FAT3: variants seen among roughly 807,000 people sequenced by gnomAD.
The protein encoded by FAT3 is FAT atypical cadherin 3.
FAT3 carries 95 observed loss-of-function variants against 310.2 expected under a neutral mutation model. The observed-to-expected ratio is 0.31, with a 90% CI of 0.26 to 0.36. FAT3 has a LOEUF of 0.36. Ranked by LOEUF, FAT3 falls within the 10% of genes least tolerant of loss-of-function variation. The probability of loss-of-function intolerance (pLI) is 1.00; values close to 1 mark genes in which losing one functional copy is unlikely to be tolerated. For synonymous variants in FAT3, 2,314 were observed against 2,192.9 expected (o/e 1.06, Z -1.54); for missense variants, 5,408 against 5,715.6 (o/e 0.95, Z 1.74).
At position 92,831,723 on chromosome 11, in the gene FAT3, C is replaced by A. The variant is rs371129841; in HGVS notation, c.9583C>A (p.Arg3195Ser). 8.7e-6 allele frequency: 14 copies of A among 1,613,392 alleles called. No homozygotes were observed. The highest frequency in any genetic ancestry group is 1.3e-5 in the African/African-American group (1 of 74,880). ...CATCATCCTGGAGCAGCCACTGGAC[C>A]GTGAGCAGCAGTCTTCGTACAACAT... ...GIIILEQPLD[R>S]EQQSSYNISV... The change falls in exon 14 of 28, where the codon CGT becomes AGT. Residue 3195 changes from arginine (R) to serine (S), a missense_variant. This residue lies in a region of FAT3 where 4,588 missense variants were observed against 4,809.8 expected (regional missense o/e 0.95). Coordinates refer to ENST00000525166, the MANE Select transcript of FAT3 (RefSeq NM_001367949.2).
chr11:92,428,028 A>G (rs1168325163), intron 2 of FAT3, among the ~76,000 whole-genome samples: 1 of 151,958 alleles, frequency 6.6e-6, no homozygotes, highest in Non-Finnish European at 1.5e-5. Context: ...CTGGTAGGCT[A>G]TTAGTTACTG....
intron 3 of FAT3, among the ~76,000 whole-genome samples, chr11:92,625,844 G>A (rs554594135): frequency 6.6e-6 from 1 of 151,952 alleles, no homozygotes; most frequent in Non-Finnish European, 1.5e-5. Flanking sequence ...TGAAACACTG[G>A]GTCCTATTGA....
At chr11:92,850,706 G>C (rs765032865) in intron 19 of FAT3, among the ~76,000 whole-genome samples, 11 of 152,176 alleles carry the variant, frequency 7.2e-5, no homozygotes, top group Middle Eastern at 3.2e-3. Flanking sequence ...AAATCAAGAG[G>C]TTGAATCAGC....
intron 3 of FAT3, among the ~76,000 whole-genome samples, chr11:92,607,408 T>C (rs1370457370): frequency 6.6e-6 from 1 of 152,172 alleles, no homozygotes; most frequent in Non-Finnish European, 1.5e-5. Flanking sequence ...AACAATTACA[T>C]TGATTTTTTT....
chr11:92,536,781 C>T (rs1433262731), intron 3 of FAT3, among the ~76,000 whole-genome samples: 1 of 152,186 alleles, frequency 6.6e-6, no homozygotes, highest in Non-Finnish European at 1.5e-5. Flanking sequence ...TAAGTTGTGC[C>T]TGATAAGTGG....
chr11:92,857,197 T>A lies in FAT3; in HGVS notation c.11366-17T>A. The A allele has an allele frequency of 1.9e-6, 3 of 1,613,832 alleles. No individual in the cohort carries two copies. In the Middle Eastern group the frequency reaches 5.0e-4, roughly 266 times the overall value. ...TCCCTTTGTGTACTGATCATGCATATTCCACCTTTGTCACAGGAGGACTGT... is the reference window on the plus strand; with the variant it reads ...TCCCTTTGTGTACTGATCATGCATAATCCACCTTTGTCACAGGAGGACTGT... On this transcript the variant is annotated splice_polypyrimidine_tract_variant and intron_variant, in intron 19 of 27. Transcript: ENST00000525166.
intron 3 of FAT3, among the ~76,000 whole-genome samples, chr11:92,691,990 A>G (rs1943810184): frequency 1.3e-5 from 2 of 152,292 alleles, no homozygotes; most frequent in Admixed American, 1.3e-4. Context: ...TATTGGATAC[A>G]ACTATATTAT....
At chr11:92,416,564 G>A (rs559452402) in intron 2 of FAT3, among the ~76,000 whole-genome samples, 6 of 152,162 alleles carry the variant, frequency 3.9e-5, no homozygotes, top group African/African-American at 9.6e-5. Context: ...TTTCTTAAGC[G>A]CATCTAAGAA....
At chr11:92,252,171 C>T (rs1865165179) in intron 1 of FAT3, among the ~76,000 whole-genome samples, 8 of 152,096 alleles carry the variant, frequency 5.3e-5, no homozygotes. Flanking sequence ...CTGCAGAGGT[C>T]CTCTGGAGTC....
intron 3 of FAT3, among the ~76,000 whole-genome samples, chr11:92,531,294 G>A (rs574780125): frequency 2.2e-4 from 33 of 152,278 alleles, no homozygotes; most frequent in Non-Finnish European, 3.4e-4. Context: ...TTGCATCCAC[G>A]TGAATGTGCT....
At chr11:92,762,461 T>C (rs1469735401) in intron 5 of FAT3, among the ~76,000 whole-genome samples, 3 of 152,136 alleles carry the variant, frequency 2.0e-5, no homozygotes, top group Non-Finnish European at 4.4e-5. Context: ...CCCTAAATCA[T>C]CCTCAAAGTG....
At chr11:92,714,730 G>A (rs1040201720) in intron 4 of FAT3, among the ~76,000 whole-genome samples, 2 of 151,956 alleles carry the variant, frequency 1.3e-5, no homozygotes, top group African/African-American at 4.8e-5. Context: ...TTTTCTCTTG[G>A]CTTTTTAGAA....
At chr11:92,683,008 G>A (rs1342077907) in intron 3 of FAT3, among the ~76,000 whole-genome samples, 2 of 146,480 alleles carry the variant, frequency 1.4e-5, no homozygotes, top group Admixed American at 1.4e-4. Context: ...AACCCAGGAG[G>A]CGGAGGTTGC....
chr11:92,336,880 T>A (rs561915293), intron 1 of FAT3, among the ~76,000 whole-genome samples: 23 of 152,304 alleles, frequency 1.5e-4, no homozygotes, highest in Admixed American at 3.9e-4. Flanking sequence ...AAGCATGTTC[T>A]TTGGTCTTCC....
At position 92,799,333 on chromosome 11, in the gene FAT3, C is replaced by T; in HGVS notation, c.6320C>T (p.Thr2107Ile). 1 of 1,613,900 alleles carries T rather than the reference C, an allele frequency of 6.2e-7. No homozygotes were observed. The highest frequency in any genetic ancestry group is 8.5e-7 in the Non-Finnish European group (1 of 1,179,866). Residue 2107 changes from threonine (T) to isoleucine (I), a missense_variant, in exon 10 of 28, where the codon ACA (threonine) becomes ATA (isoleucine). Transcript: ENST00000525166. ...AEPGTLIYQV[T>I]AIDKDKGPNG... ...CCCGGGACTCTGATTTATCAGGTGA[C>T]AGCCATTGACAAAGATAAAGGTCCA...
chr11:92,294,088 A>C (rs1946782715), intron 1 of FAT3, among the ~76,000 whole-genome samples: 1 of 152,138 alleles, frequency 6.6e-6, no homozygotes, highest in South Asian at 2.1e-4. Flanking sequence ...AGGCTGGGAA[A>C]ATCCCAAATC....
chr11:92,447,260 G>A (rs1482492275), intron 2 of FAT3, among the ~76,000 whole-genome samples: 1 of 142,068 alleles, frequency 7.0e-6, no homozygotes, highest in Non-Finnish European at 1.5e-5. Flanking sequence ...TGTGTGTACA[G>A]TGGTTTCAAG....
At chr11:92,497,758 A>G (rs565700065) in intron 2 of FAT3, among the ~76,000 whole-genome samples, 135 of 152,142 alleles carry the variant, frequency 8.9e-4, no homozygotes, top group African/African-American at 1.5e-3. Context: ...CTTAAAAGCA[A>G]ATTTGGAGGA....
intron 2 of FAT3, among the ~76,000 whole-genome samples, chr11:92,435,522 T>TTC (rs1950913798): frequency 6.9e-5 from 5 of 72,884 alleles, no homozygotes; most frequent in East Asian, 5.3e-4. Flanking sequence ...TTCCTTCCTT[T>TTC]CTCTTTCTTT....
Sources: gnomAD v4.1 joint callset for allele counts (sites outside exome capture counted in the v4.1 genomes callset) on GRCh38, gnomAD v4.1.1 for gene constraint, gnomAD v4.1.1 regional missense constraint, MANE v1.5 for transcripts, NCBI Gene and HGNC (gene_info 2026-07-23, HGNC 2026-07-21) for gene names.